Variants in PTGFR observed in about 807,000 individuals in gnomAD.
PTGFR encodes the protein prostaglandin F2-alpha receptor.
In PTGFR, 15 loss-of-function variants were observed where a neutral mutation model predicts 26.2. That is an observed-to-expected ratio of 0.57 (90% CI 0.38 to 0.88). PTGFR has a LOEUF of 0.88. Among genes scored for constraint, PTGFR ranks in the 40% least tolerant of loss-of-function variants. The pLI, the probability that PTGFR is intolerant of heterozygous loss-of-function variation, is 0.00. For missense variants in PTGFR, 369 were observed against 427.2 expected (o/e 0.86, Z 1.20); for synonymous variants, 165 against 151.1 (o/e 1.09, Z -0.68).
rs1650660558 is a variant in PTGFR at position 78,536,583 on chromosome 1, C to T, written c.976C>T (p.His326Tyr). ...YKLASQCCGV[H>Y]VISLHIWELS... ...GCTTGCCAGTCAATGCTGTGGAGTG[C>T]ATGTCATCAGCTTACATATTTGGGA... The change falls in exon 3 of 3, where the codon CAT becomes TAT. Residue 326 changes from histidine to tyrosine, a missense_variant. Transcript: ENST00000370757. The T allele has an allele frequency of 6.2e-7, 1 of 1,613,122 alleles. No homozygotes were observed. The highest frequency in any genetic ancestry group is 1.3e-5 in the African/African-American group (1 of 74,868).
rs368764627 is a variant in PTGFR, at chr1:78,495,224, G to C, written c.798+1683G>C. ...GATAATTGTCAACTGAGGAGGCCTT[G>C]GGTGAACCCAGTAAGAGTCTGATCT... On this transcript the variant is annotated intron_variant, in intron 2 of 2. Transcript: ENST00000370757. Among the ~76,000 whole-genome samples, 14 of 152,308 alleles carry C rather than the reference G, an allele frequency of 9.2e-5. 1 individual carries two copies. The East Asian group carries it at 2.5e-3, about 27-fold the overall frequency.
chr1:78,537,617 A>G lies in PTGFR; in HGVS notation c.*930A>G, dbSNP rs991867396. ...GTCAGAGAACAAAAGAAACAGAATC[A>G]ATATATAAAATTCAAAGACTATCTG... is the stretch of plus-strand genomic sequence containing the variant. On this transcript the variant is annotated 3_prime_UTR_variant, in exon 3 of 3. Transcript: ENST00000370757. The G allele has an allele frequency of 6.6e-6, 1 of 152,142 alleles. No homozygotes were observed. The highest frequency in any genetic ancestry group is 2.4e-5 in the African/African-American group (1 of 41,470). The allele number at this position is 152,142 out of a possible 1,614,324, so 9.4% of individuals were successfully genotyped here.
At chr1:78,518,148 G>A (rs767174050) in intron 2 of PTGFR, among the ~76,000 whole-genome samples, 6 of 152,000 alleles carry the variant, frequency 3.9e-5, no homozygotes, top group South Asian at 4.1e-4. Context: ...AAGAAAATAC[G>A]TTCAAAATAA....
At chr1:78,523,249 AAGG>A (rs1650287382) in intron 2 of PTGFR, among the ~76,000 whole-genome samples, 1 of 152,146 alleles carries the variant, frequency 6.6e-6, no homozygotes, top group Non-Finnish European at 1.5e-5. Flanking sequence ...GAATTGATTC[AAGG>A]AGAACTGGCT....
At chr1:78,497,435 T>C (rs1649580726) in intron 2 of PTGFR, among the ~76,000 whole-genome samples, 1 of 152,146 alleles carries the variant, frequency 6.6e-6, no homozygotes, top group Non-Finnish European at 1.5e-5. Context: ...CCTTAACACA[T>C]AAATATTGAA....
At chr1:78,498,060 T>G (rs1649601958) in intron 2 of PTGFR, 1 of 805,482 alleles carries the variant, frequency 1.2e-6, no homozygotes, top group Non-Finnish European at 1.9e-6. Flanking sequence ...GTTTGGTCAC[T>G]AAGGTGTTTG....
intron 2 of PTGFR, among the ~76,000 whole-genome samples, chr1:78,531,682 T>C (rs537919490): frequency 6.6e-6 from 1 of 152,206 alleles, no homozygotes; most frequent in African/African-American, 2.4e-5. Context: ...CCAACTTGAC[T>C]CTTTGGACCT....
intron 2 of PTGFR, among the ~76,000 whole-genome samples, chr1:78,535,117 C>A (rs1650614424): frequency 6.6e-6 from 1 of 152,110 alleles, no homozygotes; most frequent in Admixed American, 6.6e-5. Flanking sequence ...CTATGCCTTC[C>A]CACATCTGGT....
At chr1:78,524,937 T>C in intron 2 of PTGFR, among the ~76,000 whole-genome samples, 1 of 130,514 alleles carries the variant, frequency 7.7e-6, no homozygotes, top group Non-Finnish European at 1.6e-5. Context: ...TTTTTTTTTT[T>C]TTTACTGTTA....
chr1:78,510,497 G>A (rs1365765219), intron 2 of PTGFR, among the ~76,000 whole-genome samples: 1 of 152,038 alleles, frequency 6.6e-6, no homozygotes, highest in Non-Finnish European at 1.5e-5. Flanking sequence ...GATCTCATTT[G>A]TTACCACAAA....
chr1:78,492,689 C>A lies in PTGFR; in HGVS notation c.-55C>A. 1 of 1,512,622 alleles carries A rather than the reference C, an allele frequency of 6.6e-7. No homozygotes were observed. The highest frequency in any genetic ancestry group is 1.9e-5 in the Admixed American group (1 of 53,714). The allele number at this position is 1,512,622 out of a possible 1,614,324, so 93.7% of individuals were successfully genotyped here. A position where few individuals can be genotyped will look rare whatever the true frequency, so the allele number is the denominator to read the frequency against. On this transcript the variant is annotated 5_prime_UTR_variant, in exon 2 of 3. The change creates a new upstream start codon in the 5' untranslated region. Transcript: ENST00000370757. ...TCCTACAGATGTCTGGACTGCAATC[C>A]TGCACAGTTTTGAGAGGGAGATGAC... is the stretch of plus-strand genomic sequence containing the variant.
intron 2 of PTGFR, among the ~76,000 whole-genome samples, chr1:78,501,769 A>G (rs949525472): frequency 6.6e-6 from 1 of 152,154 alleles, no homozygotes; most frequent in Admixed American, 6.6e-5. Flanking sequence ...CAGCCTCACC[A>G]CTTCTTAGCT....
chr1:78,491,561 C>T (rs979182077), intron 1 of PTGFR, among the ~76,000 whole-genome samples: 4 of 152,362 alleles, frequency 2.6e-5, no homozygotes, highest in African/African-American at 9.6e-5. Context: ...TCCTCACTCC[C>T]CGTGCCCGGG....
chr1:78,513,987 T>C (rs544881757), intron 2 of PTGFR, among the ~76,000 whole-genome samples: 1 of 152,352 alleles, frequency 6.6e-6, no homozygotes, highest in Admixed American at 6.5e-5. Flanking sequence ...GCCTAGATTT[T>C]AGAGGATGTA....
chr1:78,500,413 C>T (rs544600117), intron 2 of PTGFR, among the ~76,000 whole-genome samples: 9 of 152,308 alleles, frequency 5.9e-5, no homozygotes, highest in African/African-American at 1.9e-4. Context: ...AAAGTAGCTG[C>T]TTTGTCCAAG....
intron 2 of PTGFR, among the ~76,000 whole-genome samples, chr1:78,526,593 T>C (rs1235474816): frequency 6.6e-6 from 1 of 152,098 alleles, no homozygotes; most frequent in Non-Finnish European, 1.5e-5. Flanking sequence ...ATAACCTTTT[T>C]TTGTGCTCTT....
chr1:78,495,515 T>A (rs1482454350), intron 2 of PTGFR, among the ~76,000 whole-genome samples: 2 of 152,194 alleles, frequency 1.3e-5, no homozygotes, highest in African/African-American at 4.8e-5. Context: ...CTAAAAATGT[T>A]TAAATAAACT....
rs189290272 is a variant in PTGFR, at chr1:78,537,396, T to C, written c.*709T>C. ...AATTTTCAAATAATTATTTTTTCTC[T>C]GAAAATTTTGTGTGTGATTGCACAA... On this transcript the variant is annotated 3_prime_UTR_variant, in exon 3 of 3. Transcript: ENST00000370757. 2 of 152,262 alleles carry C rather than the reference T, an allele frequency of 1.3e-5. No individual in the cohort carries two copies. 9.4% of individuals were successfully genotyped at this position (152,262 alleles called of 1,614,324 possible).
intron 1 of PTGFR, among the ~76,000 whole-genome samples, chr1:78,491,700 TGTGA>T (rs1225862625): frequency 6.6e-6 from 1 of 152,190 alleles, no homozygotes; most frequent in East Asian, 1.9e-4. Flanking sequence ...AAAGTCGAAC[TGTGA>T]GTAAGACCTG....
Sources: gnomAD v4.1 joint callset for allele counts (sites outside exome capture counted in the v4.1 genomes callset) on GRCh38, gnomAD v4.1.1 for gene constraint, MANE v1.5 for transcripts, NCBI Gene and HGNC (gene_info 2026-07-23, HGNC 2026-07-21) for gene names.